RBFOX1: variants seen among roughly 807,000 people sequenced by gnomAD.
RBFOX1 encodes the protein RNA binding fox-1 homolog 1.
Under a neutral mutation model 57.7 loss-of-function variants are expected in RBFOX1, and 8 were observed. The observed-to-expected ratio is 0.14, with a 90% CI of 0.08 to 0.25. RBFOX1 has a LOEUF of 0.25. Among genes scored for constraint, RBFOX1 ranks in the 10% least tolerant of loss-of-function variants. The pLI is 1.00. For synonymous variants in RBFOX1, 326 were observed against 222.4 expected (o/e 1.47, Z -4.15); for missense variants, 611 against 548.5 (o/e 1.11, Z -1.14).
intron 10 of RBFOX1, among the ~76,000 whole-genome samples, chr16:7,615,757 G>T (rs896655684): frequency 6.6e-6 from 1 of 152,234 alleles, no homozygotes; most frequent in South Asian, 2.1e-4. Flanking sequence ...GTTCACTGCT[G>T]ACATCTAGTG....
In RBFOX1 at chr16:7,144,337, A is replaced by C. The variant is rs187154159; in HGVS notation, c.27+92239A>C. ...TTTGTACCGTCACTTTAGGGTTCACACTTTCTGGTACCCATCCTTGGACAC... is the reference window on the plus strand; with the variant it reads ...TTTGTACCGTCACTTTAGGGTTCACCCTTTCTGGTACCCATCCTTGGACAC... On this transcript the variant is annotated intron_variant, in intron 4 of 15. Coordinates refer to ENST00000550418, the MANE Select transcript of RBFOX1 (RefSeq NM_018723.4). Among the ~76,000 whole-genome samples the C allele has an allele frequency of 5.4e-3, 815 of 150,954 alleles. 4 individuals carry two copies. Among genetic ancestry groups the C allele is most frequent in the Middle Eastern group, 0.01 (3 of 286 alleles).
intron 4 of RBFOX1, among the ~76,000 whole-genome samples, chr16:7,236,931 G>A (rs2093797092): frequency 6.6e-6 from 1 of 152,152 alleles, no homozygotes; most frequent in Non-Finnish European, 1.5e-5. Flanking sequence ...TAAATGATCT[G>A]CCTGCCTCTG....
At chr16:5,831,523 G>A (rs964967388) in intron 3 of RBFOX1, among the ~76,000 whole-genome samples, 5 of 131,200 alleles carry the variant, frequency 3.8e-5, no homozygotes, top group African/African-American at 9.1e-5. Context: ...ATGGAGTTTC[G>A]CTCTTGTCCA....
intron 2 of RBFOX1, among the ~76,000 whole-genome samples, chr16:6,472,209 C>T (rs887342151): frequency 5.9e-5 from 9 of 152,156 alleles, no homozygotes; most frequent in Admixed American, 4.6e-4. Context: ...TGTGTCTGAC[C>T]CAGGTCCCTG....
At chr16:5,686,710 C>T (rs567887309) in intron 3 of RBFOX1, among the ~76,000 whole-genome samples, 50 of 152,270 alleles carry the variant, frequency 3.3e-4, no homozygotes, top group African/African-American at 1.2e-3. Context: ...GCCTAACTCT[C>T]ATAGTGGAAA....
chr16:6,722,870 G>A (rs1437390030), intron 3 of RBFOX1, among the ~76,000 whole-genome samples: 2 of 152,194 alleles, frequency 1.3e-5, no homozygotes. Flanking sequence ...TTGGCACACT[G>A]ACATCTGTGC....
chr16:6,979,381 A>T (rs564572715), intron 3 of RBFOX1, among the ~76,000 whole-genome samples: 131 of 54,418 alleles, frequency 2.4e-3, no homozygotes, highest in Non-Finnish European at 3.8e-3. Context: ...GAACCTGAGC[A>T]CTTTCCATTG....
At chr16:5,818,205 T>A (rs1486122286) in intron 3 of RBFOX1, among the ~76,000 whole-genome samples, 4 of 152,216 alleles carry the variant, frequency 2.6e-5, no homozygotes, top group Non-Finnish European at 5.9e-5. Context: ...AGGAGGTTTC[T>A]GTATCTGACT....
At chr16:6,061,213 C>T (rs990205395) in intron 1 of RBFOX1, among the ~76,000 whole-genome samples, 1 of 152,020 alleles carries the variant, frequency 6.6e-6, no homozygotes, top group African/African-American at 2.4e-5. Flanking sequence ...GACAGGGACC[C>T]ACTATAGCAA....
intron 4 of RBFOX1, among the ~76,000 whole-genome samples, chr16:7,289,019 C>G (rs561989994): frequency 3.9e-5 from 6 of 152,238 alleles, no homozygotes; most frequent in Non-Finnish European, 5.9e-5. Context: ...TATGGGCACC[C>G]TGGAGGTTAG....
chr16:5,932,053 C>T (rs891370917), intron 4 of RBFOX1, among the ~76,000 whole-genome samples: 21 of 152,312 alleles, frequency 1.4e-4, no homozygotes, highest in African/African-American at 4.6e-4. Context: ...GTCCTCCCGC[C>T]TTGGCTTCCC....
intron 3 of RBFOX1, among the ~76,000 whole-genome samples, chr16:6,854,659 A>T (rs953643859): frequency 1.6e-5 from 2 of 126,194 alleles, no homozygotes; most frequent in Non-Finnish European, 3.1e-5. Context: ...CAGTGGCGCT[A>T]TCTGGGCTCA....
intron 10 of RBFOX1, among the ~76,000 whole-genome samples, chr16:7,610,778 C>T (rs2057330629): frequency 6.6e-6 from 1 of 152,222 alleles, no homozygotes; most frequent in Non-Finnish European, 1.5e-5. Flanking sequence ...CAGGCACCTG[C>T]ATCTATGGAA....
chr16:6,822,745 G>T (rs919915245), intron 3 of RBFOX1, among the ~76,000 whole-genome samples: 1 of 152,166 alleles, frequency 6.6e-6, no homozygotes. Flanking sequence ...AGGGAGAGGG[G>T]TGGAAAAGAA....
At chr16:6,919,450 G>GTT (rs59195239) in intron 3 of RBFOX1, among the ~76,000 whole-genome samples, 1 of 149,494 alleles carries the variant, frequency 6.7e-6, no homozygotes, top group African/African-American at 2.5e-5. Context: ...AACATAGAGG[G>GTT]TTTTTTTTTT....
At chr16:5,864,533 G>T (rs567068170) in intron 3 of RBFOX1, among the ~76,000 whole-genome samples, 3 of 127,230 alleles carry the variant, frequency 2.4e-5, no homozygotes, top group Admixed American at 1.8e-4. Context: ...GATGGATGAT[G>T]TATACATACT....
intron 1 of RBFOX1, among the ~76,000 whole-genome samples, chr16:6,066,295 A>C (rs1306297588): frequency 7.7e-5 from 3 of 38,740 alleles, no homozygotes; most frequent in African/African-American, 1.3e-4. Context: ...CTCTGTCTCA[A>C]AAAAAAAAAA....
At chr16:6,575,088 G>C (rs919152791) in intron 2 of RBFOX1, among the ~76,000 whole-genome samples, 1 of 151,176 alleles carries the variant, frequency 6.6e-6, no homozygotes, top group African/African-American at 2.4e-5. Context: ...CTATCGTGTA[G>C]TTGCTTTGAG....
In RBFOX1 at chr16:5,578,500, G is replaced by A. The variant is rs118110983; in HGVS notation, c.259-20402G>A. Among the ~76,000 whole-genome samples the A allele has an allele frequency of 3.9e-5, 6 of 152,310 alleles. No individual in the cohort carries two copies. The East Asian group carries it at 7.7e-4, about 20-fold the overall frequency. Reference sequence around the variant, plus strand: ...CATCCACGGTCTGACATTTAGAAATGTATTGGCTAGAATAAAAGAACTGTC... The same window carrying A: ...CATCCACGGTCTGACATTTAGAAATATATTGGCTAGAATAAAAGAACTGTC... On this transcript the variant is annotated intron_variant, in intron 2 of 2. Coordinates refer to the RBFOX1 transcript ENST00000585867.
Sources: allele counts gnomAD v4.1 joint callset (sites outside exome capture counted in the v4.1 genomes callset), GRCh38; gene constraint gnomAD v4.1.1; transcripts MANE v1.5; gene names NCBI Gene and HGNC (gene_info 2026-07-23, HGNC 2026-07-21).